ROR1: variants seen among roughly 807,000 people sequenced by gnomAD.
ROR1 encodes the protein ROR family WNT receptor 1, also known as inactive tyrosine-protein kinase transmembrane receptor ROR1.
ROR1 carries 19 observed loss-of-function variants against 78.8 expected under a neutral mutation model. The ratio of observed to expected loss-of-function variants is 0.24; its 90% CI spans 0.17 to 0.35. The LOEUF (loss-of-function observed/expected upper bound fraction) is 0.35, where lower values mean the gene tolerates loss of function less well. Ranked by LOEUF, ROR1 falls within the 10% of genes least tolerant of loss-of-function variation. ROR1 has a pLI of 1.00. For synonymous variants in ROR1, 386 were observed against 433.6 expected, an observed-to-expected ratio of 0.89 and a Z score of 1.36; for missense variants, 917 against 1,177.8, an observed-to-expected ratio of 0.78 and a Z score of 3.24.
intron 2 of ROR1, among the ~76,000 whole-genome samples, chr1:64,038,779 C>T (rs769309079): frequency 6.6e-6 from 1 of 152,052 alleles, no homozygotes; most frequent in Non-Finnish European, 1.5e-5. Flanking sequence ...AAAAATAGAT[C>T]CGTTCATCTC....
intron 1 of ROR1, among the ~76,000 whole-genome samples, chr1:63,807,582 G>A (rs1030306565): frequency 5.2e-4 from 79 of 152,234 alleles, no homozygotes; most frequent in African/African-American, 1.6e-3. Context: ...GCTTTAGAGC[G>A]ATTTCCCTCA....
chr1:63,788,793 C>T, intron 1 of ROR1: 4 of 592,792 alleles, frequency 6.7e-6, no homozygotes, highest in Non-Finnish European at 1.3e-5. Flanking sequence ...CTTTATGGCG[C>T]TTGCATGCTT....
chr1:63,929,927 T>A (rs1211484386), intron 1 of ROR1, among the ~76,000 whole-genome samples: 1 of 152,190 alleles, frequency 6.6e-6, no homozygotes, highest in African/African-American at 2.4e-5. Flanking sequence ...TAGATTAATC[T>A]GCCTCTCACT....
At chr1:64,001,153 G>A (rs771773984) in intron 1 of ROR1, among the ~76,000 whole-genome samples, 1 of 152,156 alleles carries the variant, frequency 6.6e-6, no homozygotes, top group Non-Finnish European at 1.5e-5. Flanking sequence ...ACTCTACACA[G>A]CAATAAAAAC....
intron 1 of ROR1, among the ~76,000 whole-genome samples, chr1:63,776,890 G>A (rs1397545419): frequency 6.6e-6 from 1 of 151,980 alleles, no homozygotes; most frequent in Admixed American, 6.5e-5. Context: ...CAAGACTTCT[G>A]GTAGAACTCA....
intron 1 of ROR1, among the ~76,000 whole-genome samples, chr1:63,806,529 G>A (rs1251233009): frequency 9.9e-5 from 15 of 152,174 alleles, no homozygotes; most frequent in Non-Finnish European, 1.5e-4. Context: ...GCGTTAGCCA[G>A]GATGGTCTCG....
chr1:64,137,337 A>G, intron 4 of ROR1, 32 bp from the exon 5 acceptor site: 1 of 1,612,908 alleles, frequency 6.2e-7, no homozygotes, highest in Non-Finnish European at 8.5e-7. Context: ...TATGTGGTGC[A>G]TCAGCTAATG....
At chr1:64,091,224 C>T (rs866083041) in intron 4 of ROR1, among the ~76,000 whole-genome samples, 1 of 151,998 alleles carries the variant, frequency 6.6e-6, no homozygotes, top group Admixed American at 6.6e-5. Context: ...TTCCTCCATA[C>T]CCCGGCCAGT....
chr1:64,150,392 C>G (rs1649587562), intron 7 of ROR1, among the ~76,000 whole-genome samples: 1 of 152,228 alleles, frequency 6.6e-6, no homozygotes, highest in African/African-American at 2.4e-5. Flanking sequence ...ATAGCCTTGA[C>G]TTGTCCTATA....
intron 4 of ROR1, among the ~76,000 whole-genome samples, chr1:64,100,888 G>C (rs1022832180): frequency 1.3e-5 from 2 of 152,194 alleles, no homozygotes; most frequent in African/African-American, 4.8e-5. Flanking sequence ...CCATGGAATA[G>C]ATCGTTCATA....
chr1:63,856,839 A>G (rs191845594), intron 1 of ROR1, among the ~76,000 whole-genome samples: 54 of 152,178 alleles, frequency 3.5e-4, no homozygotes, highest in Admixed American at 8.5e-4. Flanking sequence ...TCCATCCCCA[A>G]TGTTTAAAAA....
intron 2 of ROR1, among the ~76,000 whole-genome samples, chr1:64,026,737 CT>C (rs1646614135): frequency 1.3e-5 from 2 of 152,064 alleles, no homozygotes; most frequent in Non-Finnish European, 2.9e-5. Flanking sequence ...GAACGGGAAA[CT>C]GTCAAACACT....
intron 4 of ROR1, among the ~76,000 whole-genome samples, chr1:64,069,094 T>C (rs1646980723): frequency 6.6e-6 from 1 of 152,152 alleles, no homozygotes. Context: ...GTGTAGACTT[T>C]TTTTTGTAGG....
At position 63,833,285 on chromosome 1, in the gene ROR1, A is replaced by G. The variant is rs559148955; in HGVS notation, c.91+58777A>G. ...TTAGCTGCTTTGATTAGTAGTGTTA[A>G]GTGAAATGGACTGCCTGAGTGGAAG... On this transcript the variant is annotated intron_variant, in intron 1 of 8. Transcript: ENST00000371079. 4.6e-5 allele frequency among the ~76,000 whole-genome samples: 7 copies of G among 152,332 alleles called. No homozygotes were observed. The South Asian group carries it at 1.5e-3, about 32-fold the overall frequency.
intron 1 of ROR1, among the ~76,000 whole-genome samples, chr1:63,981,617 T>C (rs556874888): frequency 2.3e-4 from 35 of 152,256 alleles, no homozygotes; most frequent in South Asian, 1.7e-3. Context: ...TGCTTCATGA[T>C]GTCTTGAGAG....
chr1:64,014,530 C>A (rs1371721062), intron 2 of ROR1, among the ~76,000 whole-genome samples: 1 of 149,732 alleles, frequency 6.7e-6, no homozygotes, highest in Admixed American at 6.7e-5. Flanking sequence ...GGCCTATTTC[C>A]CCTTCTACCA....
chr1:63,774,279 CA>C lies in ROR1; in HGVS notation c.-136del. 2.4e-6 allele frequency: 1 copy of C among 424,648 alleles called. No homozygotes were observed. The highest frequency in any genetic ancestry group is 4.8e-5 in the Admixed American group (1 of 20,672). 26.3% of individuals were successfully genotyped at this position (424,648 alleles called of 1,614,324 possible). A position where few individuals can be genotyped will look rare whatever the true frequency, so the allele number is the denominator to read the frequency against. ...GAGGCGAGGGAGCAGGTTAGAGGGACAAAGAGCTTTGCAGACGTCCCCGGCG... is the reference window on the plus strand; with the variant it reads ...GAGGCGAGGGAGCAGGTTAGAGGGACAAGAGCTTTGCAGACGTCCCCGGCG... On this transcript the variant is annotated 5_prime_UTR_variant, in exon 1 of 9. Coordinates refer to ENST00000371079, the MANE Select transcript of ROR1 (RefSeq NM_005012.4). This position sits in a 1 kb window ranked among gnomAD's most constrained non-coding sequence, Gnocchi z 5.7.
At chr1:64,141,456 C>T (rs528833606) in intron 6 of ROR1, among the ~76,000 whole-genome samples, 5 of 152,148 alleles carry the variant, frequency 3.3e-5, no homozygotes, top group African/African-American at 1.2e-4. Flanking sequence ...AAACCATTCA[C>T]AAGAACCCTG....
intron 1 of ROR1, among the ~76,000 whole-genome samples, chr1:63,896,079 T>A (rs993914333): frequency 6.6e-6 from 1 of 152,122 alleles, no homozygotes; most frequent in Non-Finnish European, 1.5e-5. Flanking sequence ...AACCCCTGCT[T>A]GAGTCTTTCA....
Sources: gnomAD v4.1 joint callset for allele counts (sites outside exome capture counted in the v4.1 genomes callset) on GRCh38, gnomAD v4.1.1 for gene constraint, Gnocchi (gnomAD v3.1) non-coding constraint, MANE v1.5 for transcripts, NCBI Gene and HGNC (gene_info 2026-07-23, HGNC 2026-07-21) for gene names.